Variants in XDH observed in about 807,000 individuals in gnomAD.
The protein encoded by XDH is xanthine dehydrogenase/oxidase.
In XDH, 138 loss-of-function variants were observed where a neutral mutation model predicts 156.1. The observed-to-expected ratio is 0.88, with a 90% CI of 0.77 to 1.02. XDH has a LOEUF of 1.02. XDH is among the 50% of genes least tolerant of loss of function. The pLI, the probability that XDH is intolerant of heterozygous loss-of-function variation, is 0.00. For missense variants in XDH, 1,849 were observed against 1,684.9 expected, an observed-to-expected ratio of 1.10 and a Z score of -1.71; for synonymous variants, 669 against 625.7, an observed-to-expected ratio of 1.07 and a Z score of -1.03.
chr2:31,343,390 T>C (rs1202006832), intron 31 of XDH, among the ~76,000 whole-genome samples: 2 of 143,446 alleles, frequency 1.4e-5, no homozygotes, highest in Non-Finnish European at 3.0e-5. Flanking sequence ...TACATATATA[T>C]GAGCCACATA....
At chr2:31,395,348 A>C (rs1686874295) in intron 6 of XDH, among the ~76,000 whole-genome samples, 1 of 152,148 alleles carries the variant, frequency 6.6e-6, no homozygotes, top group Admixed American at 6.5e-5. Context: ...GAAAGACTAA[A>C]GGTCCTGGGG....
chr2:31,351,567 C>G (rs575229361), intron 24 of XDH, among the ~76,000 whole-genome samples: 1 of 152,300 alleles, frequency 6.6e-6, no homozygotes, highest in Admixed American at 6.5e-5. Context: ...CCCAGGGATT[C>G]CCTTCACCTC....
Position 31,364,221 on chromosome 2 carries a change from T to A in XDH, c.2568A>T (p.Thr856=). 2.5e-6 allele frequency: 4 copies of A among 1,614,168 alleles called. No homozygotes were observed. Among genetic ancestry groups the A allele is most frequent in the Non-Finnish European group, 3.4e-6 (4 of 1,180,030 alleles). The change falls in exon 24 of 36, where the codon ACA becomes ACT. Residue 856 remains threonine, a synonymous_variant. Coordinates refer to ENST00000379416, the MANE Select transcript of XDH (RefSeq NM_000379.4). ...RYKVGFMKTG[T]VVALEVDHFS... ...AGTGGTCCACCTCAAGAGCCACAAC[T>A]GTCCCAGTCTTCATGAAGCCAACCT...
chr2:31,355,105 A>G (rs1184940971), intron 24 of XDH, among the ~76,000 whole-genome samples: 1 of 152,204 alleles, frequency 6.6e-6, no homozygotes, highest in Admixed American at 6.5e-5. Context: ...ATCAGAAGCC[A>G]TAGAGACCAG....
chr2:31,400,938 G>A (rs747755019), intron 4 of XDH, among the ~76,000 whole-genome samples: 1 of 152,178 alleles, frequency 6.6e-6, no homozygotes, highest in Non-Finnish European at 1.5e-5. Context: ...CCAAGTTCTG[G>A]ACTGGTCTAG....
At chr2:31,355,815 T>G (rs1456820277) in intron 24 of XDH, among the ~76,000 whole-genome samples, 1 of 152,066 alleles carries the variant, frequency 6.6e-6, no homozygotes, top group Non-Finnish European at 1.5e-5. Flanking sequence ...ATAAATACAG[T>G]TAAAAGAGAT....
chr2:31,349,882 G>C, intron 25 of XDH, 51 bp from the exon 26 acceptor site: 1 of 1,612,474 alleles, frequency 6.2e-7, no homozygotes, highest in Non-Finnish European at 8.5e-7. Flanking sequence ...GAGACTGTGG[G>C]GGCAGGGCAC....
Position 31,341,280 on chromosome 2 carries a change from G to A in XDH, c.3585+49C>T, listed in dbSNP as rs745341473. 2.0e-6 allele frequency: 3 copies of A among 1,525,448 alleles called. No homozygotes were observed. In the Admixed American group the frequency reaches 5.9e-5, roughly 30 times the overall value. 94.5% of individuals were successfully genotyped at this position (1,525,448 alleles called of 1,614,324 possible). On this transcript the variant is annotated intron_variant, in intron 33 of 35. Transcript: ENST00000379416. ...CAGGTGGCCCCAGGAGGGGAATGGG[G>A]TGCATCGGTGGCCAAGTCTGTCACC...
At chr2:31,386,265 G>C in intron 9 of XDH, 149 bp downstream of exon 9, 2 of 1,096,810 alleles carry the variant, frequency 1.8e-6, no homozygotes, top group African/African-American at 3.1e-5. Context: ...GGAGTGTCCA[G>C]GGATTTCCAG....
At chr2:31,412,673 T>C (rs573834031) in intron 1 of XDH, among the ~76,000 whole-genome samples, 1 of 152,318 alleles carries the variant, frequency 6.6e-6, no homozygotes, top group East Asian at 1.9e-4. Context: ...GCTTCTTTGG[T>C]AACTACTTTG....
At position 31,350,137 on chromosome 2, in the gene XDH, A is replaced by G. The variant is rs759472493; in HGVS notation, c.2718T>C (p.Leu906=). 1 of 1,614,120 alleles carries G rather than the reference A, an allele frequency of 6.2e-7. No individual in the cohort carries two copies. Among genetic ancestry groups the G allele is most frequent in the East Asian group, 2.2e-5 (1 of 44,864 alleles). Reference sequence around the variant, plus strand: ...AGCCCCGGAAGGCCGTGTTGGAGGGAAGGTTGGTTTTGCACAGCCGCCCAG... The same window carrying G: ...AGCCCCGGAAGGCCGTGTTGGAGGGGAGGTTGGTTTTGCACAGCCGCCCAG... The part of the protein sequence containing the change: ...RGTGRLCKTN[L]PSNTAFRGFG... The change falls in exon 25 of 36, where the codon CTT becomes CTC. Residue 906 remains leucine (L), a synonymous_variant. Transcript: ENST00000379416.
intron 6 of XDH, among the ~76,000 whole-genome samples, chr2:31,395,833 T>A (rs1686888330): frequency 6.6e-6 from 1 of 152,222 alleles, no homozygotes; most frequent in African/African-American, 2.4e-5. Context: ...TCAGCCTTTT[T>A]CTTCTTGTTT....
In XDH at chr2:31,366,860, A is replaced by C; in HGVS notation, c.2322+10T>G. ...TGACAGCCCCTTGAGCTGACCCAAA[A>C]GGCATCTACCTGGGTCTTCATGGTG... On this transcript the variant is annotated intron_variant, in intron 21 of 35. Transcript: ENST00000379416. 1 of 1,613,996 alleles carries C rather than the reference A, an allele frequency of 6.2e-7. No individual in the cohort carries two copies. Among genetic ancestry groups the C allele is most frequent in the Non-Finnish European group, 8.5e-7 (1 of 1,179,998 alleles).
At chr2:31,399,874 G>A (rs1687009962) in intron 4 of XDH, among the ~76,000 whole-genome samples, 1 of 152,170 alleles carries the variant, frequency 6.6e-6, no homozygotes, top group Non-Finnish European at 1.5e-5. Context: ...AAATTACCCA[G>A]TCTTGGTTAT....
chr2:31,362,155 T>C (rs556445390), intron 24 of XDH, among the ~76,000 whole-genome samples: 2 of 152,230 alleles, frequency 1.3e-5, no homozygotes, highest in African/African-American at 4.8e-5. Flanking sequence ...AGGAAGATAA[T>C]CAGCAAGCTT....
Position 31,339,597 on chromosome 2 carries a change from G to A in XDH, c.3666C>T (p.Thr1222=). ...LHYSPEGSLH[T]RGPSTYKIPA... Reference sequence around the variant, plus strand: ...GGATCTTGTAGGTGCTAGGGCCACGGGTGTGCAGGCTCCCCTCGGGGGAAT... The same window carrying A: ...GGATCTTGTAGGTGCTAGGGCCACGAGTGTGCAGGCTCCCCTCGGGGGAAT... The change falls in exon 34 of 36, where the codon ACC becomes ACT. Residue 1222 remains threonine, a synonymous_variant. Coordinates refer to ENST00000379416, the MANE Select transcript of XDH (RefSeq NM_000379.4). 2 of 1,614,196 alleles carry A rather than the reference G, an allele frequency of 1.2e-6. No homozygotes were observed. The highest frequency in any genetic ancestry group is 1.7e-6 in the Non-Finnish European group (2 of 1,180,036).
intron 8 of XDH, among the ~76,000 whole-genome samples, chr2:31,387,094 A>G (rs2148785525): frequency 6.6e-6 from 1 of 152,232 alleles, no homozygotes; most frequent in Non-Finnish European, 1.5e-5. Context: ...TGCTTGCAGG[A>G]AGACACTGGG....
At position 31,348,333 on chromosome 2, in the gene XDH, C is replaced by T. The variant is rs1364566584; in HGVS notation, c.3082G>A (p.Gly1028Ser). 5.0e-6 allele frequency: 8 copies of T among 1,614,090 alleles called. No individual in the cohort carries two copies. The highest frequency in any genetic ancestry group is 1.7e-5 in the Admixed American group (1 of 60,006). The change falls in exon 28 of 36, where the codon GGC becomes AGC. Residue 1028 changes from glycine (G) to serine (S), a missense_variant. Transcript: ENST00000379416. ...CCCCCGTGGGTCAGCAGCACAGAGC[C>T]ATCTGTGTACACATGAAGTAGGGCT... Reference protein sequence around the residue: ...AGALLHVYTDGSVLLTHGGTE... With the variant: ...AGALLHVYTDSSVLLTHGGTE...
At chr2:31,365,240 C>T (rs546734157) in intron 23 of XDH, among the ~76,000 whole-genome samples, 2 of 152,308 alleles carry the variant, frequency 1.3e-5, no homozygotes, top group East Asian at 1.9e-4. Flanking sequence ...ACAGAAGTCA[C>T]GAATGCCACC....
Sources: gnomAD v4.1 joint callset for allele counts (sites outside exome capture counted in the v4.1 genomes callset) on GRCh38, gnomAD v4.1.1 for gene constraint, MANE v1.5 for transcripts, NCBI Gene and HGNC (gene_info 2026-07-23, HGNC 2026-07-21) for gene names.